Variants in USPL1 observed in about 807,000 individuals in gnomAD.
USPL1 encodes the protein SUMO-specific isopeptidase USPL1.
A neutral mutation model predicts 51.5 loss-of-function variants in USPL1; 27 were observed. The observed-to-expected ratio is 0.52, with a 90% CI of 0.39 to 0.72. The LOEUF (loss-of-function observed/expected upper bound fraction) is 0.72, where lower values mean the gene tolerates loss of function less well. USPL1 is among the 30% of genes least tolerant of loss of function. The pLI, the probability that USPL1 is intolerant of heterozygous loss-of-function variation, is 0.00. For synonymous variants in USPL1, 451 were observed against 459.6 expected, an observed-to-expected ratio of 0.98 and a Z score of 0.24; for missense variants, 1,226 against 1,268.0, an observed-to-expected ratio of 0.97 and a Z score of 0.50.
chr13:30,654,550 A>G (rs766005233), intron 8 of USPL1, among the ~76,000 whole-genome samples: 23 of 152,228 alleles, frequency 1.5e-4, no homozygotes, highest in Non-Finnish European at 2.5e-4. Flanking sequence ...ATTGTTTTCA[A>G]GGCTCCCCAG....
At chr13:30,635,417 A>G (rs1229602317) in intron 4 of USPL1, among the ~76,000 whole-genome samples, 2 of 152,168 alleles carry the variant, frequency 1.3e-5, no homozygotes, top group South Asian at 2.1e-4. Context: ...TTGATCTGCC[A>G]TGCCACCTCT....
intron 3 of USPL1, among the ~76,000 whole-genome samples, chr13:30,630,517 G>A (rs753166595): frequency 2.6e-5 from 4 of 152,126 alleles, no homozygotes; most frequent in East Asian, 1.9e-4. Context: ...GTTTCTTTAC[G>A]TTGTTGAAAA....
At position 30,658,914 on chromosome 13, in the gene USPL1, T is replaced by C. The variant is rs771633769; in HGVS notation, c.2837T>C (p.Ile946Thr). ...TTGTTAAATGAGCTACCATATCCAA[T>C]TGATATTGCCAGTGAGTCTGCATGC... ...EDLLNELPYPIDIASESACTT... is the reference protein window; with the variant it reads ...EDLLNELPYPTDIASESACTT... The change falls in exon 9 of 9, where the codon ATT (isoleucine) becomes ACT (threonine). Residue 946 changes from isoleucine to threonine, a missense_variant. Coordinates refer to ENST00000255304, the MANE Select transcript of USPL1 (RefSeq NM_005800.5). The C allele has an allele frequency of 1.9e-5, 30 of 1,614,078 alleles. No homozygotes were observed. In the Admixed American group the frequency reaches 2.3e-4, roughly 13 times the overall value.
At chr13:30,656,784 G>A (rs1159549418) in intron 8 of USPL1, among the ~76,000 whole-genome samples, 1 of 151,918 alleles carries the variant, frequency 6.6e-6, no homozygotes, top group African/African-American at 2.4e-5. Context: ...ATCCCCACCA[G>A]CGTTACACAA....
Position 30,658,190 on chromosome 13 carries a change from T to C in USPL1, c.2113T>C (p.Phe705Leu), listed in dbSNP as rs767808612. ...TGAGAAGGACGCTCAGTTAAAACAA[T>C]TCCTTACACCAAAAACTGAACAATT... The part of the protein sequence containing the change: ...EIEKDAQLKQ[F>L]LTPKTEQLKP... Residue 705 changes from phenylalanine to leucine, a missense_variant, in exon 9 of 9, where the codon TTC (phenylalanine) becomes CTC (leucine). Transcript: ENST00000255304. 5.0e-6 allele frequency: 8 copies of C among 1,612,500 alleles called. No homozygotes were observed. The highest frequency in any genetic ancestry group is 2.2e-5 in the East Asian group (1 of 44,882).
chr13:30,624,212 G>A (rs1348507061), intron 3 of USPL1, among the ~76,000 whole-genome samples: 1 of 152,164 alleles, frequency 6.6e-6, no homozygotes, highest in African/African-American at 2.4e-5. Context: ...GAATTGCTTG[G>A]TGTGGGGAAA....
chr13:30,649,296 T>G (rs1014898396), intron 7 of USPL1, among the ~76,000 whole-genome samples: 8 of 152,234 alleles, frequency 5.3e-5, no homozygotes, highest in African/African-American at 1.9e-4. Context: ...TTTTTTAATT[T>G]TGAAATTTGT....
rs892292916 is a variant in USPL1 at position 30,657,745 on chromosome 13, C to T, written c.1668C>T (p.Ala556=). 2 of 1,614,106 alleles carry T rather than the reference C, an allele frequency of 1.2e-6. No homozygotes were observed. The highest frequency in any genetic ancestry group is 1.1e-5 in the South Asian group (1 of 91,076). ...SVTHPKDISV[A]PRTLSQDTAV... ...CTCACCCTAAAGATATATCAGTTGC[C>T]CCTCGTACTCTTTCACAGGACACAG... Residue 556 remains alanine (A), a synonymous_variant, in exon 9 of 9, where the codon GCC becomes GCT. Transcript: ENST00000255304.
intron 3 of USPL1, among the ~76,000 whole-genome samples, chr13:30,629,604 G>T (rs913835067): frequency 6.6e-6 from 1 of 152,218 alleles, no homozygotes; most frequent in African/African-American, 2.4e-5. Flanking sequence ...ATGGCTGGCA[G>T]TTGGTACTAG....
intron 4 of USPL1, among the ~76,000 whole-genome samples, 189 bp downstream of exon 4, chr13:30,631,663 G>A (rs977689625): frequency 3.3e-4 from 50 of 152,034 alleles, no homozygotes; most frequent in African/African-American, 1.2e-3. Context: ...ACCATAGCCA[G>A]CTAAGATAGT....
intron 3 of USPL1, among the ~76,000 whole-genome samples, chr13:30,628,714 G>A (rs1466786263): frequency 1.2e-4 from 18 of 152,224 alleles, no homozygotes; most frequent in Non-Finnish European, 2.9e-5. Flanking sequence ...CAAAGGACAT[G>A]AGGAGTTTCT....
At chr13:30,651,056 G>A (rs74688661) in intron 7 of USPL1, among the ~76,000 whole-genome samples, 57 of 151,718 alleles carry the variant, frequency 3.8e-4, no homozygotes, top group African/African-American at 1.3e-3. Context: ...AGGCCATACC[G>A]AGATTTTCGA....
chr13:30,622,767 A>G (rs1035726096), intron 3 of USPL1, among the ~76,000 whole-genome samples: 5 of 152,228 alleles, frequency 3.3e-5, no homozygotes, highest in Non-Finnish European at 7.3e-5. Flanking sequence ...GAGTCTGATC[A>G]TCATCAGCCA....
At chr13:30,619,236 C>G (rs1950615518) in intron 1 of USPL1, among the ~76,000 whole-genome samples, 1 of 152,174 alleles carries the variant, frequency 6.6e-6, no homozygotes, top group Non-Finnish European at 1.5e-5. Context: ...GGAAGAAGAA[C>G]TGGGGAGCCC....
intron 7 of USPL1, among the ~76,000 whole-genome samples, chr13:30,648,174 A>T (rs1372719034): frequency 1.3e-5 from 2 of 152,164 alleles, no homozygotes; most frequent in African/African-American, 2.4e-5. Context: ...CAAGCAGTAT[A>T]TATAGTTAGG....
chr13:30,648,401 T>C (rs1461890003), intron 7 of USPL1, among the ~76,000 whole-genome samples: 1 of 152,152 alleles, frequency 6.6e-6, no homozygotes, highest in East Asian at 1.9e-4. Context: ...CTGCGCTGGT[T>C]CCTCTCTGGG....
chr13:30,628,991 C>G (rs1171088182), intron 3 of USPL1, among the ~76,000 whole-genome samples: 1 of 152,136 alleles, frequency 6.6e-6, no homozygotes, highest in Non-Finnish European at 1.5e-5. Context: ...GAAGTAATCT[C>G]AAAGCATCAT....
At position 30,622,578 on chromosome 13, in the gene USPL1, C is replaced by T. The variant is rs1051703037; in HGVS notation, c.228+686C>T. ...GGTTTGGGAACATAAGATCCTGATACAGTGGCAGAGCTGTGGTTGGAATAC... is the reference window on the plus strand; with the variant it reads ...GGTTTGGGAACATAAGATCCTGATATAGTGGCAGAGCTGTGGTTGGAATAC... On this transcript the variant is annotated intron_variant, in intron 3 of 8. Coordinates refer to ENST00000255304, the MANE Select transcript of USPL1 (RefSeq NM_005800.5). Among the ~76,000 whole-genome samples the T allele has an allele frequency of 2.6e-5, 4 of 152,244 alleles. No homozygotes were observed. The South Asian group carries it at 6.2e-4, about 24-fold the overall frequency.
At position 30,659,464 on chromosome 13, in the gene USPL1, A is replaced by T; in HGVS notation, c.*108A>T. 2.0e-6 allele frequency: 2 copies of T among 1,007,320 alleles called. No individual in the cohort carries two copies. The highest frequency in any genetic ancestry group is 2.8e-6 in the Non-Finnish European group (2 of 720,898). 62.4% of individuals were successfully genotyped at this position (1,007,320 alleles called of 1,614,324 possible). The stretch of plus-strand genomic sequence containing the variant: ...GGACTTGTGTAATTACTTGTGTAAT[A>T]ACCATGAACAAAATGCAAGGTTTAA... On this transcript the variant is annotated 3_prime_UTR_variant, in exon 9 of 9. Transcript: ENST00000255304.
Sources: allele counts gnomAD v4.1 joint callset (sites outside exome capture counted in the v4.1 genomes callset), GRCh38; gene constraint gnomAD v4.1.1; transcripts MANE v1.5; gene names NCBI Gene and HGNC (gene_info 2026-07-23, HGNC 2026-07-21).